The following SRP19 variants were observed in gnomAD, a reference collection of about 807,000 sequenced individuals.
SRP19 encodes the protein signal recognition particle 19 kDa protein.
Under a neutral mutation model 22.4 loss-of-function variants are expected in SRP19, and 11 were observed. The observed-to-expected ratio is 0.49, with a 90% CI of 0.31 to 0.81. The LOEUF (loss-of-function observed/expected upper bound fraction) is 0.81, where lower values mean the gene tolerates loss of function less well. Ranked by LOEUF, SRP19 falls within the 40% of genes least tolerant of loss-of-function variation. SRP19 has a pLI of 0.05. For synonymous variants in SRP19, 61 were observed against 57.6 expected, an observed-to-expected ratio of 1.06 and a Z score of -0.27; for missense variants, 168 against 175.9, an observed-to-expected ratio of 0.96 and a Z score of 0.25.
downstream of SRP19, chr5:112,897,915 T>G (rs1241895286): frequency 6.6e-6 from 1 of 152,012 alleles, no homozygotes; most frequent in East Asian, 1.9e-4. Context: ...AAAAATTAGC[T>G]GGGTGTGGTG....
chr5:112,866,116 C>CTTTTTTTT (rs67108157), intron 4 of SRP19, among the ~76,000 whole-genome samples: 1 of 142,014 alleles, frequency 7.0e-6, no homozygotes, highest in African/African-American at 2.6e-5. Flanking sequence ...AGTCTTTTTT[C>CTTTTTTTT]TTTTTTTTTT....
exon 5 of SRP19, chr5:112,892,786 C>A (rs746786471): frequency 6.2e-7 from 1 of 1,613,510 alleles, no homozygotes; most frequent in African/African-American, 1.3e-5. Flanking sequence ...CAGCAGGCAG[C>A]GGGGAAGGAG....
chr5:112,873,792 A>C (rs534114722), downstream of SRP19, among the ~76,000 whole-genome samples: 13 of 150,664 alleles, frequency 8.6e-5, no homozygotes, highest in Non-Finnish European at 1.6e-4. Flanking sequence ...TTCTGTTTTT[A>C]TTTTGATCCC....
chr5:112,870,531 T>C (rs1021828606), downstream of SRP19, among the ~76,000 whole-genome samples: 5 of 151,952 alleles, frequency 3.3e-5, no homozygotes, highest in Admixed American at 6.6e-5. Flanking sequence ...AGAAAGATGG[T>C]TGAAATCTGG....
chr5:112,868,008 GAA>G lies in SRP19; in HGVS notation c.*473_*474del. ...CCATAGTGTGAGGCTAAAACTAGAAGAAACTGTGGTAGGTCCTTTTGTGGGTG... is the reference window on the plus strand; with the variant it reads ...CCATAGTGTGAGGCTAAAACTAGAAGACTGTGGTAGGTCCTTTTGTGGGTG... On this transcript the variant is annotated 3_prime_UTR_variant, in exon 5 of 5. Coordinates refer to ENST00000505459, the MANE Select transcript of SRP19 (RefSeq NM_003135.3). 1 of 986,336 alleles carries G rather than the reference GAA, an allele frequency of 1.0e-6. No individual in the cohort carries two copies. The allele number at this position is 986,336 out of a possible 1,614,324, so 61.1% of individuals were successfully genotyped here.
chr5:112,866,921 G>A (rs909549950), intron 4 of SRP19, among the ~76,000 whole-genome samples: 1 of 152,172 alleles, frequency 6.6e-6, no homozygotes, highest in South Asian at 2.1e-4. Context: ...GGGGGTGAAG[G>A]TAGCTGGTTG....
At position 112,867,839 on chromosome 5, in the gene SRP19, A is replaced by T. The variant is rs1767659045; in HGVS notation, c.*302A>T. On this transcript the variant is annotated 3_prime_UTR_variant, in exon 5 of 5. Coordinates refer to ENST00000505459, the MANE Select transcript of SRP19 (RefSeq NM_003135.3). ...TACTTGAAATAAGTTGTTTCAGATAAATTTCAATTAGATTTAAAATAAACA... is the reference window on the plus strand; with the variant it reads ...TACTTGAAATAAGTTGTTTCAGATATATTTCAATTAGATTTAAAATAAACA... 3 of 1,048,650 alleles carry T rather than the reference A, an allele frequency of 2.9e-6. No homozygotes were observed. Among genetic ancestry groups the T allele is most frequent in the Non-Finnish European group, 3.4e-6 (3 of 869,908 alleles). The allele number at this position is 1,048,650 out of a possible 1,614,324, so 65.0% of individuals were successfully genotyped here. A position where few individuals can be genotyped will look rare whatever the true frequency, so the allele number is the denominator to read the frequency against.
At position 112,875,443 on chromosome 5, in the gene SRP19, A is replaced by C. The variant is rs770678671; in HGVS notation, c.301+10711A>C. ...GAGTGCACTGGCACCGTCTTGGCTCACTGCAGCCTTGACCTCCCAGGCTCA... is the reference window on the plus strand; with the variant it reads ...GAGTGCACTGGCACCGTCTTGGCTCCCTGCAGCCTTGACCTCCCAGGCTCA... On this transcript the variant is annotated intron_variant, in intron 4 of 4. Transcript: ENST00000391338. 1.1e-4 allele frequency among the ~76,000 whole-genome samples: 17 copies of C among 150,418 alleles called. No individual in the cohort carries two copies. In the Middle Eastern group the frequency reaches 0.014, roughly 125 times the overall value.
chr5:112,897,695 A>G (rs2150042690), downstream of SRP19: 1 of 152,316 alleles, frequency 6.6e-6, no homozygotes, highest in East Asian at 1.9e-4. Context: ...TTTTCCTCCA[A>G]TCTTATCAGC....
chr5:112,879,387 C>T (rs761853398), intron 4 of SRP19, among the ~76,000 whole-genome samples: 2 of 152,004 alleles, frequency 1.3e-5, no homozygotes, highest in African/African-American at 4.8e-5. Flanking sequence ...CCTACAGATA[C>T]CAAAATCTGT....
chr5:112,870,823 G>A (rs1188528231), downstream of SRP19, among the ~76,000 whole-genome samples: 1 of 152,134 alleles, frequency 6.6e-6, no homozygotes, highest in Non-Finnish European at 1.5e-5. Flanking sequence ...CAGCATCAAA[G>A]ACCCTTGCCA....
At chr5:112,874,247 G>A (rs1767845521), downstream of SRP19, among the ~76,000 whole-genome samples, 1 of 152,186 alleles carries the variant, frequency 6.6e-6, no homozygotes, top group African/African-American at 2.4e-5. Context: ...GGAGGCCAAG[G>A]CAGTGGATCA....
intron 4 of SRP19, chr5:112,886,901 T>C (rs935556457): frequency 2.6e-5 from 18 of 690,398 alleles, no homozygotes; most frequent in African/African-American, 1.2e-4. Flanking sequence ...CAGAGTAATG[T>C]TGGCATTTGG....
downstream of SRP19, chr5:112,895,273 G>A (rs1000051314): frequency 6.7e-6 from 1 of 148,548 alleles, no homozygotes; most frequent in Non-Finnish European, 1.5e-5. Context: ...GAGAGGTGGG[G>A]TGTGTTTTAT....
At chr5:112,864,135 T>A (rs1189701605) in intron 2 of SRP19, among the ~76,000 whole-genome samples, 2 of 152,220 alleles carry the variant, frequency 1.3e-5, no homozygotes, top group Admixed American at 6.5e-5. Context: ...GTATGTGTAA[T>A]TGTTTAAGCA....
chr5:112,871,856 G>A (rs1212898148), downstream of SRP19, among the ~76,000 whole-genome samples: 1 of 152,132 alleles, frequency 6.6e-6, no homozygotes, highest in African/African-American at 2.4e-5. Context: ...GAGGTACATG[G>A]CACCACACCT....
At chr5:112,886,429 T>C (rs116244643) in intron 4 of SRP19, among the ~76,000 whole-genome samples, 1,811 of 152,340 alleles carry the variant, frequency 0.012, 9 homozygotes, top group Middle Eastern at 0.037. Flanking sequence ...AATGGCTCTT[T>C]ATCATTTCTC....
chr5:112,863,280 A>G (rs531652422), intron 2 of SRP19, among the ~76,000 whole-genome samples: 1 of 152,238 alleles, frequency 6.6e-6, no homozygotes, highest in South Asian at 2.1e-4. Flanking sequence ...GTAATTTTGT[A>G]TCTTTTTTTC....
At chr5:112,867,170 G>A (rs1201251572) in intron 4 of SRP19, among the ~76,000 whole-genome samples, 2 of 152,122 alleles carry the variant, frequency 1.3e-5, no homozygotes, top group Admixed American at 6.5e-5. Context: ...CATACTTAGT[G>A]TTTTGCCTTT....
Sources: gnomAD v4.1 joint callset for allele counts (sites outside exome capture counted in the v4.1 genomes callset) on GRCh38, gnomAD v4.1.1 for gene constraint, MANE v1.5 for transcripts, NCBI Gene and HGNC (gene_info 2026-07-23, HGNC 2026-07-21) for gene names.